PCDHA9: variants seen among roughly 807,000 people sequenced by gnomAD.
PCDHA9 encodes the protein protocadherin alpha 9, also known as protocadherin alpha-9.
In PCDHA9, 62 loss-of-function variants were observed where a neutral mutation model predicts 62.0. The observed-to-expected ratio is 1.00, with a 90% CI of 0.81 to 1.23. The LOEUF is 1.23. PCDHA9 is among the 50% of genes most tolerant of loss of function. The probability of loss-of-function intolerance (pLI) is 0.00; values close to 1 mark genes in which losing one functional copy is unlikely to be tolerated. For synonymous variants in PCDHA9, 557 were observed against 567.6 expected (o/e 0.98, Z 0.27); for missense variants, 1,205 against 1,249.8 (o/e 0.96, Z 0.54).
intron 1 of PCDHA9, chr5:140,852,739 A>G: frequency 2.0e-6 from 2 of 984,418 alleles, no homozygotes. Flanking sequence ...TTCATGTGCC[A>G]TTTAAACTTG....
At chr5:140,982,602 G>A (rs1554244640) in intron 3 of PCDHA9, 39 bp downstream of exon 3, 2 of 1,607,914 alleles carry the variant, frequency 1.2e-6, no homozygotes, top group African/African-American at 2.7e-5. Context: ...CTTGGTTTCT[G>A]GAAAGTGATC....
At chr5:140,945,705 A>G (rs868920609) in intron 1 of PCDHA9, among the ~76,000 whole-genome samples, 5 of 152,154 alleles carry the variant, frequency 3.3e-5, no homozygotes, top group South Asian at 2.1e-4. Flanking sequence ...GATTTGCAAC[A>G]AAAGTATCAA....
At chr5:140,982,241 T>G in intron 2 of PCDHA9, 1 of 696,668 alleles carries the variant, frequency 1.4e-6, no homozygotes, top group South Asian at 3.3e-5. Context: ...AGAATTGCCA[T>G]AAAGATAGAA....
chr5:141,004,014 A>T (rs1294633411), intron 3 of PCDHA9, among the ~76,000 whole-genome samples: 40 of 152,222 alleles, frequency 2.6e-4, no homozygotes, highest in African/African-American at 9.4e-4. Context: ...GGCAGCACTG[A>T]AAGAAGAAAC....
At chr5:140,993,198 A>C (rs1554253472) in intron 3 of PCDHA9, among the ~76,000 whole-genome samples, 1 of 151,946 alleles carries the variant, frequency 6.6e-6, no homozygotes, top group African/African-American at 2.4e-5. Context: ...AACTCACTAA[A>C]GCTAATTTTT....
In PCDHA9 at chr5:141,010,369, G is replaced by A. The variant is rs963959073; in HGVS notation, c.*432G>A. The A allele has an allele frequency of 1.8e-4, 270 of 1,474,338 alleles. No homozygotes were observed. The highest frequency in any genetic ancestry group is 7.1e-5 in the Non-Finnish European group (79 of 1,109,414). 91.3% of individuals were successfully genotyped at this position (1,474,338 alleles called of 1,614,324 possible). On this transcript the variant is annotated 3_prime_UTR_variant, in exon 4 of 4. Transcript: ENST00000532602. ...GTATGTGTGGCTACCGCGGGTATGCGAGTGCCAGATATTGGCTGAGACGAG... is the reference window on the plus strand; with the variant it reads ...GTATGTGTGGCTACCGCGGGTATGCAAGTGCCAGATATTGGCTGAGACGAG...
rs142866496 is a variant in PCDHA9, at chr5:140,917,224, G to A, written c.2395-61725G>A. Among the ~76,000 whole-genome samples, 29 of 151,040 alleles carry A rather than the reference G, an allele frequency of 1.9e-4. No homozygotes were observed. In the East Asian group the frequency reaches 2.2e-3, roughly 11 times the overall value. ...TCTTCAATGCCTCTTTTAGTGATAC[G>A]TTGTTAAATCTAGGTACTACGATTG... On this transcript the variant is annotated intron_variant, in intron 1 of 3. Transcript: ENST00000532602.
At position 140,849,254 on chromosome 5, in the gene PCDHA9, A is replaced by C. The variant is rs2150433667; in HGVS notation, c.759A>C (p.Glu253Asp). ...DRTLYTVKLPENVSIGTLVIH... is the reference protein window; with the variant it reads ...DRTLYTVKLPDNVSIGTLVIH... The stretch of plus-strand genomic sequence containing the variant: ...CCCTGTATACGGTGAAATTACCAGA[A>C]AACGTTTCTATCGGAACGCTGGTGA... Residue 253 changes from glutamate (E) to aspartate (D), a missense_variant, in exon 1 of 4, where the codon GAA (glutamate) becomes GAC (aspartate). Glu to Asp is a conservative substitution (Grantham distance 45). This residue lies in a region of PCDHA9 where 110 missense variants were observed against 227.2 expected (regional missense o/e 0.48). Coordinates refer to ENST00000532602, the MANE Select transcript of PCDHA9 (RefSeq NM_031857.2). The C allele has an allele frequency of 1.6e-4, 171 of 1,103,146 alleles. 11 individuals are homozygous for C. In the South Asian group the frequency reaches 1.7e-3, roughly 11 times the overall value. 68.3% of individuals were successfully genotyped at this position (1,103,146 alleles called of 1,614,324 possible). A position where few individuals can be genotyped will look rare whatever the true frequency, so the allele number is the denominator to read the frequency against.
rs114961630 is a variant in PCDHA9 at position 140,926,715 on chromosome 5, G to A, written c.2395-52234G>A. 1,110 of 952,350 alleles carry A rather than the reference G, an allele frequency of 1.2e-3. 9 individuals carry two copies. The African/African-American group carries it at 0.017, about 15-fold the overall frequency. The allele number at this position is 952,350 out of a possible 1,614,324, so 59.0% of individuals were successfully genotyped here. A position where few individuals can be genotyped will look rare whatever the true frequency, so the allele number is the denominator to read the frequency against. On this transcript the variant is annotated intron_variant, in intron 1 of 3. Transcript: ENST00000532602. ...GCCCGGCTCCCAGCTGGCCAGCCCC[G>A]GCAATGCCGGCGTTCGGGAGGCGCA... is the stretch of plus-strand genomic sequence containing the variant.
At chr5:140,856,907 A>G (rs2044265676) in intron 1 of PCDHA9, 3 of 1,596,440 alleles carry the variant, frequency 1.9e-6, no homozygotes, top group African/African-American at 2.7e-5. Context: ...GGTCCCACCC[A>G]CGATAAGAAG....
chr5:140,875,386 C>G, intron 1 of PCDHA9: 1 of 1,465,972 alleles, frequency 6.8e-7, no homozygotes, highest in Non-Finnish European at 9.0e-7. Flanking sequence ...TATGTACTTA[C>G]AGAAAAGGGT....
At chr5:140,866,847 A>T (rs1485743697) in intron 1 of PCDHA9, 1 of 152,136 alleles carries the variant, frequency 6.6e-6, no homozygotes, top group African/African-American at 2.4e-5. Context: ...ATCAGTTAAC[A>T]ATAACTGTAT....
At position 140,894,082 on chromosome 5, in the gene PCDHA9, A is replaced by C. The variant is rs2064311424; in HGVS notation, c.2394+43193A>C. On this transcript the variant is annotated intron_variant, in intron 1 of 3. Transcript: ENST00000532602. ...TTTTTAAATACATTTATTTTATTCC[A>C]GTATCTTCTAGCTCCTGGTGTTGCA... 3.3e-5 allele frequency among the ~76,000 whole-genome samples: 5 copies of C among 152,174 alleles called. No homozygotes were observed. In the South Asian group the frequency reaches 8.3e-4, roughly 25 times the overall value.
chr5:140,919,136 G>T (rs1340753916), intron 1 of PCDHA9, among the ~76,000 whole-genome samples: 5 of 152,064 alleles, frequency 3.3e-5, no homozygotes, highest in African/African-American at 1.2e-4. Context: ...GTGTTTTGGG[G>T]CTCTATTATT....
At chr5:140,875,878 A>T in intron 1 of PCDHA9, 1 of 1,614,212 alleles carries the variant, frequency 6.2e-7, no homozygotes, top group Non-Finnish European at 8.5e-7. Flanking sequence ...GTTCAGAGAA[A>T]GGGAACAAAA....
intron 1 of PCDHA9, chr5:140,875,968 T>C (rs1554168125): frequency 2.5e-6 from 4 of 1,614,024 alleles, no homozygotes; most frequent in Non-Finnish European, 3.4e-6. Flanking sequence ...CGGCGTAAAC[T>C]CTCTTTTGAC....
intron 1 of PCDHA9, among the ~76,000 whole-genome samples, chr5:140,935,394 G>A (rs959098226): frequency 2.0e-5 from 3 of 152,088 alleles, no homozygotes; most frequent in East Asian, 1.9e-4. Flanking sequence ...GTTATCCCAC[G>A]GGACTCAAAC....
intron 1 of PCDHA9, chr5:140,857,764 G>T (rs552891884): frequency 6.3e-7 from 1 of 1,597,520 alleles, no homozygotes; most frequent in Non-Finnish European, 8.6e-7. Flanking sequence ...CTGGCAGCGC[G>T]GGCGGTGCAG....
At chr5:140,966,808 A>G (rs782040625) in intron 1 of PCDHA9, 5 of 1,548,024 alleles carry the variant, frequency 3.2e-6, no homozygotes, top group Non-Finnish European at 4.3e-6. Context: ...CAGAGCATCC[A>G]CGGCTCCGGC....
Sources: gnomAD v4.1 joint callset for allele counts (sites outside exome capture counted in the v4.1 genomes callset) on GRCh38, gnomAD v4.1.1 for gene constraint, gnomAD v4.1.1 regional missense constraint, MANE v1.5 for transcripts, NCBI Gene and HGNC (gene_info 2026-07-23, HGNC 2026-07-21) for gene names.